The following PCDHGB5 variants were observed in gnomAD, a reference collection of about 807,000 sequenced individuals.
The protein encoded by PCDHGB5 is protocadherin gamma-B5.
In PCDHGB5, 48 loss-of-function variants were observed where a neutral mutation model predicts 62.9. The observed-to-expected ratio is 0.76, with a 90% CI of 0.61 to 0.97. The LOEUF (loss-of-function observed/expected upper bound fraction) is 0.97, where lower values mean the gene tolerates loss of function less well. Among genes scored for constraint, PCDHGB5 ranks in the 50% least tolerant of loss-of-function variants. The probability of loss-of-function intolerance (pLI) is 0.00; values close to 1 mark genes in which losing one functional copy is unlikely to be tolerated. For synonymous variants in PCDHGB5, 474 were observed against 511.2 expected, an observed-to-expected ratio of 0.93 and a Z score of 0.98; for missense variants, 1,118 against 1,198.6, an observed-to-expected ratio of 0.93 and a Z score of 0.99.
rs780664832 is a variant in PCDHGB5 at position 141,422,982 on chromosome 5, T to C, written c.2397+22458T>C. On this transcript the variant is annotated intron_variant, in intron 1 of 3. Coordinates refer to ENST00000617380, the MANE Select transcript of PCDHGB5 (RefSeq NM_018925.3). ...AGCTGGCGCCCCGCTCTGCGGAACC[T>C]GGCTACCTGGTGACCAAGGTGGTTG... 2.5e-6 allele frequency: 4 copies of C among 1,614,206 alleles called. No individual in the cohort carries two copies. The South Asian group carries it at 4.4e-5, about 18-fold the overall frequency.
chr5:141,399,950 G>A lies in PCDHGB5; in HGVS notation c.1823G>A (p.Ser608Asn), dbSNP rs566695854. The change falls in exon 1 of 4, where the codon AGC becomes AAC. Residue 608 changes from serine (S) to asparagine (N), a missense_variant. Physicochemically the swap from Ser to Asn is conservative, Grantham distance 46. Coordinates refer to ENST00000617380, the MANE Select transcript of PCDHGB5 (RefSeq NM_018925.3). ...CTGTCCTACCACGTGCTGCAGGCTA[G>A]CGAGCCCGGGCTCTTCAGCCTGGGG... Reference protein sequence around the residue: ...AWLSYHVLQASEPGLFSLGLR... With the variant: ...AWLSYHVLQANEPGLFSLGLR... The A allele has an allele frequency of 4.3e-6, 7 of 1,612,178 alleles. No individual in the cohort carries two copies. The African/African-American group carries it at 6.7e-5, about 15-fold the overall frequency.
At chr5:141,418,530 G>T in intron 1 of PCDHGB5, 6 of 1,613,952 alleles carry the variant, frequency 3.7e-6, no homozygotes, top group Non-Finnish European at 5.1e-6. Flanking sequence ...CCCCGAAGCG[G>T]TACTGCTCAG....
rs767400679 is a variant in PCDHGB5, at chr5:141,476,863, C to T, written c.2398-17944C>T. 2.2e-5 allele frequency: 35 copies of T among 1,613,740 alleles called. No individual in the cohort carries two copies. Among genetic ancestry groups the T allele is most frequent in the Non-Finnish European group, 2.8e-5 (33 of 1,180,062 alleles). On this transcript the variant is annotated intron_variant, in intron 1 of 3. Coordinates refer to ENST00000617380, the MANE Select transcript of PCDHGB5 (RefSeq NM_018925.3). The surrounding 1 kb of genome is among the most constrained non-coding windows in gnomAD (Gnocchi z 7.6). ...CGCCTGTCTTCAACCAGTCCTTGTA[C>T]CGGGCGCGCGTCCTGGAGGATGCAC...
chr5:141,432,120 A>G lies in PCDHGB5; in HGVS notation c.2397+31596A>G, dbSNP rs764363553. 12 of 1,613,978 alleles carry G rather than the reference A, an allele frequency of 7.4e-6. No homozygotes were observed. The highest frequency in any genetic ancestry group is 5.3e-5 in the African/African-American group (4 of 74,894). ...AACGACAACCCGCCGGTCTTCCCTCAGGCCTCCTATTCCGCTTATATCCCA... is the reference window on the plus strand; with the variant it reads ...AACGACAACCCGCCGGTCTTCCCTCGGGCCTCCTATTCCGCTTATATCCCA... On this transcript the variant is annotated intron_variant, in intron 1 of 3. Transcript: ENST00000617380. The surrounding 1 kb of genome is among the most constrained non-coding windows in gnomAD (Gnocchi z 6.0).
At position 141,399,711 on chromosome 5, in the gene PCDHGB5, A is replaced by G. The variant is rs1232938340; in HGVS notation, c.1584A>G (p.Leu528=). ...AGCTGCGCACCTTCGAACTCACACT[A>G]CAGGCCCGCGACCAGGGCTCGCCTG... ...YEQLRTFELT[L]QARDQGSPAL... is the part of the protein sequence containing the mutation. Residue 528 remains leucine (L), a synonymous_variant, in exon 1 of 4, where the codon CTA becomes CTG. Transcript: ENST00000617380. The G allele has an allele frequency of 3.1e-6, 5 of 1,613,236 alleles. No homozygotes were observed. The highest frequency in any genetic ancestry group is 1.3e-5 in the African/African-American group (1 of 74,950).
At position 141,487,665 on chromosome 5, in the gene PCDHGB5, G is replaced by C. The variant is rs373971935; in HGVS notation, c.2398-7142G>C. 2.1e-5 allele frequency: 34 copies of C among 1,612,724 alleles called. No homozygotes were observed. In the South Asian group the frequency reaches 3.4e-4, roughly 16 times the overall value. ...ATGCTTGAGGGTTATTCTGATCCAG[G>C]CATATGGCTAGGCCATGTCCTAGAG... On this transcript the variant is annotated intron_variant, in intron 1 of 3. Transcript: ENST00000617380. The surrounding 1 kb of genome is among the most constrained non-coding windows in gnomAD (Gnocchi z 5.0).
intron 1 of PCDHGB5, chr5:141,414,963 G>T (rs2095808106): frequency 1.1e-5 from 17 of 1,614,006 alleles, no homozygotes; most frequent in Non-Finnish European, 1.4e-5. Context: ...CCAAGGTGGT[G>T]GCGGTGGACA....
At chr5:141,492,487 C>G (rs1031047955) in intron 1 of PCDHGB5, among the ~76,000 whole-genome samples, 1 of 152,222 alleles carries the variant, frequency 6.6e-6, no homozygotes, top group Non-Finnish European at 1.5e-5. Flanking sequence ...CGCCCAGGAC[C>G]AGGCGAGGAC....
chr5:141,472,878 C>G (rs774209715), intron 1 of PCDHGB5, among the ~76,000 whole-genome samples: 1 of 146,132 alleles, frequency 6.8e-6, no homozygotes, highest in East Asian at 2.1e-4. Context: ...CCCAGCTACT[C>G]GGGAGGCTGA....
In PCDHGB5 at chr5:141,405,021, C is replaced by T. The variant is rs188043964; in HGVS notation, c.2397+4497C>T. The T allele has an allele frequency of 2.9e-5, 46 of 1,613,980 alleles. No homozygotes were observed. Among genetic ancestry groups the T allele is most frequent in the Non-Finnish European group, 3.7e-5 (44 of 1,179,862 alleles). On this transcript the variant is annotated intron_variant, in intron 1 of 3. Coordinates refer to ENST00000617380, the MANE Select transcript of PCDHGB5 (RefSeq NM_018925.3). ...GCAGACCTGGAGGCCTCAGACCTTA[C>T]CCTCTACCTCGTTGTGGCTGTGGCA...
intron 2 of PCDHGB5, among the ~76,000 whole-genome samples, chr5:141,502,478 A>G (rs2099814452): frequency 6.6e-6 from 1 of 150,896 alleles, no homozygotes; most frequent in Non-Finnish European, 1.5e-5. Flanking sequence ...CCGCAGCATC[A>G]CACTGGGACT....
intron 1 of PCDHGB5, among the ~76,000 whole-genome samples, chr5:141,484,138 G>A (rs184277779): frequency 6.6e-6 from 1 of 152,244 alleles, no homozygotes; most frequent in Admixed American, 6.5e-5. Context: ...TCAGATAAAG[G>A]GAATTTGTAG....
In PCDHGB5 at chr5:141,489,365, G is replaced by A. The variant is rs774363104; in HGVS notation, c.2398-5442G>A. ...TCAGTGGTGGAGGAGTCTGAGCCGG[G>A]GACGCTGGTGGGGAATGTTGCTCAG... On this transcript the variant is annotated intron_variant, in intron 1 of 3. Transcript: ENST00000617380. The surrounding 1 kb of genome is among the most constrained non-coding windows in gnomAD (Gnocchi z 4.5). The A allele has an allele frequency of 6.2e-7, 1 of 1,613,512 alleles. No individual in the cohort carries two copies.
intron 2 of PCDHGB5, among the ~76,000 whole-genome samples, chr5:141,503,269 C>A (rs1161751693): frequency 6.6e-6 from 1 of 152,116 alleles, no homozygotes; most frequent in Non-Finnish European, 1.5e-5. Context: ...ACCCCAGCAC[C>A]TGGCTCTGTG....
rs148150333 is a variant in PCDHGB5, at chr5:141,399,810, C to A, written c.1683C>A (p.Pro561=). Residue 561 remains proline (P), a synonymous_variant, in exon 1 of 4, where the codon CCC becomes CCA. Transcript: ENST00000617380. ...RNDNAPRVLY[P]ALGPDGSALF... ...ACAACGCACCGCGGGTGCTGTACCC[C>A]GCGCTGGGTCCCGACGGCTCTGCGC... The A allele has an allele frequency of 2.5e-6, 4 of 1,613,076 alleles. No individual in the cohort carries two copies. The highest frequency in any genetic ancestry group is 1.7e-4 in the Middle Eastern group (1 of 5,880).
At chr5:141,419,394 G>A (rs778450240) in intron 1 of PCDHGB5, 2 of 1,613,612 alleles carry the variant, frequency 1.2e-6, no homozygotes, top group East Asian at 2.2e-5. Flanking sequence ...GCGCAGAGCG[G>A]GGTGGTGTTC....
chr5:141,408,197 C>A (rs2095057098), intron 1 of PCDHGB5: 5 of 1,546,080 alleles, frequency 3.2e-6, no homozygotes, highest in Non-Finnish European at 4.4e-6. Context: ...AGAACCCGAG[C>A]GAACGATGGG....
At chr5:141,403,314 T>C (rs1178188100) in intron 1 of PCDHGB5, 7 of 1,613,856 alleles carry the variant, frequency 4.3e-6, no homozygotes, top group Non-Finnish European at 5.1e-6. Flanking sequence ...GGAATAGAAA[T>C]AGAAGTAACT....
At position 141,408,970 on chromosome 5, in the gene PCDHGB5, C is replaced by T. The variant is rs755949698; in HGVS notation, c.2397+8446C>T. The stretch of plus-strand genomic sequence containing the variant: ...GAATTAGTCTTAGTGAAAATCTGCC[C>T]CCTGGGTCCCCTGTGTTGCAAGTGA... On this transcript the variant is annotated intron_variant, in intron 1 of 3. Coordinates refer to ENST00000617380, the MANE Select transcript of PCDHGB5 (RefSeq NM_018925.3). 10 of 1,613,770 alleles carry T rather than the reference C, an allele frequency of 6.2e-6. No homozygotes were observed. The South Asian group carries it at 1.1e-4, about 18-fold the overall frequency.
Sources: allele counts gnomAD v4.1 joint callset (sites outside exome capture counted in the v4.1 genomes callset), GRCh38; gene constraint gnomAD v4.1.1; non-coding constraint Gnocchi (gnomAD v3.1); transcripts MANE v1.5; gene names NCBI Gene and HGNC (gene_info 2026-07-23, HGNC 2026-07-21).